Variants in USP47 observed in about 807,000 individuals in gnomAD.
USP47 encodes ubiquitin specific peptidase 47.
Under a neutral mutation model 165.1 loss-of-function variants are expected in USP47, and 35 were observed. The observed-to-expected ratio is 0.21, with a 90% CI of 0.16 to 0.28. The LOEUF (loss-of-function observed/expected upper bound fraction) is 0.28. USP47 is among the 10% of genes least tolerant of loss of function. The pLI, the probability that USP47 is intolerant of heterozygous loss-of-function variation, is 1.00. For missense variants in USP47, 1,277 were observed against 1,607.4 expected, an observed-to-expected ratio of 0.79 and a Z score of 3.52; for synonymous variants, 531 against 544.5, an observed-to-expected ratio of 0.98 and a Z score of 0.35.
chr11:11,936,331 T>C lies in USP47; in HGVS notation c.1898T>C (p.Leu633Pro), dbSNP rs2134730322. 1 of 1,603,466 alleles carries C rather than the reference T, an allele frequency of 6.2e-7. No individual in the cohort carries two copies. The highest frequency in any genetic ancestry group is 1.1e-5 in the South Asian group (1 of 89,742). Residue 633 changes from leucine to proline, a missense_variant, in exon 17 of 28, where the codon CTG becomes CCG. Physicochemically the swap from Leu to Pro is moderately conservative, Grantham distance 98 (BLOSUM62 -3). Around this residue, in one of 4 missense-constraint regions of USP47, gnomAD observed 909 missense variants for 1,068.1 expected, o/e 0.85. Transcript: ENST00000527733. ...KMMDLEEVIP[L>P]DCCRLVKYDE... is the part of the protein sequence containing the mutation. ...ATGGATTTAGAAGAGGTAATACCCC[T>C]GGATTGCTGTCGCCTTGTTAAATAT...
intron 25 of USP47, among the ~76,000 whole-genome samples, chr11:11,953,559 G>C (rs1301057606): frequency 5.3e-5 from 8 of 151,856 alleles, no homozygotes; most frequent in African/African-American, 1.9e-4. Flanking sequence ...CATAGCCAAA[G>C]AAAAAGGTAT....
chr11:11,892,377 T>A (rs1440498058), intron 4 of USP47, among the ~76,000 whole-genome samples: 1 of 134,874 alleles, frequency 7.4e-6, no homozygotes, highest in Non-Finnish European at 1.5e-5. Flanking sequence ...TCTTTTTAAT[T>A]TTCTTTTTTT....
At chr11:11,907,134 C>T (rs1852624753) in intron 8 of USP47, among the ~76,000 whole-genome samples, 1 of 152,116 alleles carries the variant, frequency 6.6e-6, no homozygotes, top group African/African-American at 2.4e-5. Flanking sequence ...GATTTGCCAC[C>T]ACTCTCTTAA....
Position 11,928,594 on chromosome 11 carries a change from C to A in USP47, c.1387-840C>A, listed in dbSNP as rs1329863525. Among the ~76,000 whole-genome samples, 3 of 152,078 alleles carry A rather than the reference C, an allele frequency of 2.0e-5. No homozygotes were observed. In the East Asian group the frequency reaches 5.8e-4, roughly 29 times the overall value. On this transcript the variant is annotated intron_variant, in intron 11 of 27. Transcript: ENST00000527733. ...TCATAAACTGGAAATCTTCTGATGT[C>A]AAATTGCCTTTTTAACCTCCTTCTC...
intron 11 of USP47, among the ~76,000 whole-genome samples, chr11:11,924,580 G>A (rs1217680191): frequency 1.3e-5 from 2 of 152,042 alleles, no homozygotes; most frequent in African/African-American, 4.8e-5. Context: ...AATTATCTGG[G>A]CCTGGTGCTT....
intron 1 of USP47, among the ~76,000 whole-genome samples, chr11:11,876,165 A>G (rs900758857): frequency 1.2e-4 from 18 of 152,216 alleles, no homozygotes; most frequent in African/African-American, 3.9e-4. Flanking sequence ...CAAATAGCGC[A>G]TCTAAACTAC....
intron 8 of USP47, among the ~76,000 whole-genome samples, chr11:11,913,108 C>T (rs1009473753): frequency 6.6e-6 from 1 of 151,990 alleles, no homozygotes; most frequent in Non-Finnish European, 1.5e-5. Flanking sequence ...GCAAGGATGT[C>T]TGCTCCTACC....
In USP47 at chr11:11,961,548, A is replaced by T. The variant is rs1311509200; in HGVS notation, c.*5373A>T. Among the ~76,000 whole-genome samples, 3 of 152,216 alleles carry T rather than the reference A, an allele frequency of 2.0e-5. No individual in the cohort carries two copies. On this transcript the variant is annotated 3_prime_UTR_variant, in exon 28 of 28. Transcript: ENST00000527733. Reference sequence around the variant, plus strand: ...AATGGACTCTCCCCAGAGCCTCCAGAGGAATGCAGCCCTGTTGATCACATG... The same window carrying T: ...AATGGACTCTCCCCAGAGCCTCCAGTGGAATGCAGCCCTGTTGATCACATG...
At chr11:11,906,057 A>G (rs1016023877) in intron 8 of USP47, among the ~76,000 whole-genome samples, 2 of 152,168 alleles carry the variant, frequency 1.3e-5, no homozygotes, top group Non-Finnish European at 2.9e-5. Context: ...TAATTCAAAG[A>G]ATCAAAACTG....
At chr11:11,860,516 G>A (rs1427519364) in intron 1 of USP47, among the ~76,000 whole-genome samples, 1 of 152,156 alleles carries the variant, frequency 6.6e-6, no homozygotes, top group East Asian at 1.9e-4. Context: ...CATGTTTGAA[G>A]TATTAAAAGA....
rs752483117 is a variant in USP47 at position 11,942,928 on chromosome 11, T to C, written c.2907T>C (p.Ser969=). 1 of 1,613,468 alleles carries C rather than the reference T, an allele frequency of 6.2e-7. No homozygotes were observed. The highest frequency in any genetic ancestry group is 1.1e-5 in the South Asian group (1 of 91,064). ...TGGCTAATGGACTTGACTCTCACAG[T>C]ATCACAAGTAGTAGAAGAACGAAAG... The part of the protein sequence containing the change: ...IPLANGLDSH[S]ITSSRRTKAN... The change falls in exon 20 of 28, where the codon AGT becomes AGC. Residue 969 remains serine, a synonymous_variant. Coordinates refer to ENST00000527733, the MANE Select transcript of USP47 (RefSeq NM_001282659.2).
Position 11,959,738 on chromosome 11 carries a change from TGCCCCTTC to T in USP47, c.*3564_*3571del, listed in dbSNP as rs1564901107. 6.6e-6 allele frequency among the ~76,000 whole-genome samples: 1 copy of T among 152,128 alleles called. No homozygotes were observed. Among genetic ancestry groups the T allele is most frequent in the Admixed American group, 6.5e-5 (1 of 15,276 alleles). On this transcript the variant is annotated 3_prime_UTR_variant, in exon 28 of 28. Transcript: ENST00000527733. ...CAAAAGAGAGTTGAGAGGAATGCTCTGCCCCTTCCCCATCACAGCACTGCCCCTTTCCA... is the reference window on the plus strand; with the variant it reads ...CAAAAGAGAGTTGAGAGGAATGCTCTCCCATCACAGCACTGCCCCTTTCCA...
intron 2 of USP47, among the ~76,000 whole-genome samples, chr11:11,882,784 A>G (rs866772646): frequency 3.9e-5 from 6 of 152,058 alleles, no homozygotes; most frequent in Non-Finnish European, 5.9e-5. Context: ...TCCATTTCCA[A>G]TGTCAGCATT....
chr11:11,867,261 G>A (rs970537697), intron 1 of USP47, among the ~76,000 whole-genome samples: 16 of 152,042 alleles, frequency 1.1e-4, no homozygotes, highest in African/African-American at 3.6e-4. Flanking sequence ...TGAGATTCTC[G>A]GCTCTGTGGA....
Position 11,956,035 on chromosome 11 carries a change from G to T in USP47, c.3928G>T (p.Glu1310Ter). ...AGAAGAATTAATGGAATTGACAGAT[G>T]AGCAAAGAAATGAACTGATGAAAAA... Reference protein sequence around the residue: ...KTEELMELTDEQRNELMKKES... With the variant: ...KTEELMELTD The change falls in exon 28 of 28, where the codon GAG (glutamate) becomes TAG (stop). Residue 1310 changes from glutamate to a stop codon, truncating the protein, a stop_gained. Transcript: ENST00000527733. LOFTEE classifies it high-confidence loss of function. 1 of 1,589,052 alleles carries T rather than the reference G, an allele frequency of 6.3e-7. No homozygotes were observed. The highest frequency in any genetic ancestry group is 1.2e-5 in the South Asian group (1 of 85,806).
intron 15 of USP47, 99 bp downstream of exon 15, chr11:11,933,215 T>G (rs1854805061): frequency 1.1e-6 from 1 of 939,826 alleles, no homozygotes; most frequent in Non-Finnish European, 1.7e-6. Flanking sequence ...TCTGAGACAA[T>G]TATGCTATCA....
chr11:11,885,554 C>T (rs1018979289), intron 3 of USP47, among the ~76,000 whole-genome samples: 5 of 152,098 alleles, frequency 3.3e-5, no homozygotes, highest in Non-Finnish European at 5.9e-5. Context: ...CAGGAGCCCA[C>T]GCCACCAGGG....
chr11:11,873,928 A>G lies in USP47; in HGVS notation c.40-6249A>G, dbSNP rs1368807298. ...CAAGTAACAGCATGTTAGTATTTTT[A>G]TTTAATATCAAGGCATGTCTTAAGT... is the stretch of plus-strand genomic sequence containing the variant. On this transcript the variant is annotated intron_variant, in intron 1 of 27. Coordinates refer to ENST00000527733, the MANE Select transcript of USP47 (RefSeq NM_001282659.2). 4 of 908,940 alleles carry G rather than the reference A, an allele frequency of 4.4e-6. No individual in the cohort carries two copies. The East Asian group carries it at 1.2e-4, about 27-fold the overall frequency. The allele number at this position is 908,940 out of a possible 1,614,324, so 56.3% of individuals were successfully genotyped here.
At chr11:11,887,056 C>G (rs1277926137) in intron 3 of USP47, among the ~76,000 whole-genome samples, 17 of 152,150 alleles carry the variant, frequency 1.1e-4, no homozygotes, top group Non-Finnish European at 2.9e-5. Context: ...ACCATTAGGC[C>G]TGCCTTGCAA....
Sources: gnomAD v4.1 joint callset for allele counts (sites outside exome capture counted in the v4.1 genomes callset) on GRCh38, gnomAD v4.1.1 for gene constraint, gnomAD v4.1.1 regional missense constraint, MANE v1.5 for transcripts, NCBI Gene and HGNC (gene_info 2026-07-23, HGNC 2026-07-21) for gene names.